The following TNFRSF9 variants were observed in gnomAD, a reference collection of about 807,000 sequenced individuals.
TNFRSF9 encodes TNF receptor superfamily member 9, also known as tumor necrosis factor receptor superfamily member 9.
A neutral mutation model predicts 28.8 loss-of-function variants in TNFRSF9; 16 were observed. The observed-to-expected ratio is 0.55, with a 90% CI of 0.38 to 0.84. The LOEUF (loss-of-function observed/expected upper bound fraction) is 0.84, where lower values mean the gene tolerates loss of function less well. Among genes scored for constraint, TNFRSF9 ranks in the 40% least tolerant of loss-of-function variants. The pLI, the probability that TNFRSF9 is intolerant of heterozygous loss-of-function variation, is 0.00. For missense variants in TNFRSF9, 303 were observed against 315.0 expected (o/e 0.96, Z 0.29); for synonymous variants, 131 against 117.0 (o/e 1.12, Z -0.77).
intron 7 of TNFRSF9, among the ~76,000 whole-genome samples, chr1:7,929,047 A>C (rs182483889): frequency 1.5e-3 from 222 of 152,244 alleles, no homozygotes; most frequent in African/African-American, 5.2e-3. Context: ...CACCAAGGCT[A>C]CTGTATCTTA....
At chr1:7,937,661 T>C in intron 5 of TNFRSF9, 29 bp downstream of exon 5, 1 of 1,592,096 alleles carries the variant, frequency 6.3e-7, no homozygotes, top group Non-Finnish European at 8.6e-7. Flanking sequence ...AGATTCTTTA[T>C]TCCATAAACT....
chr1:7,929,101 T>A (rs1400720524), intron 7 of TNFRSF9, among the ~76,000 whole-genome samples: 2 of 151,644 alleles, frequency 1.3e-5, no homozygotes, highest in Non-Finnish European at 2.9e-5. Context: ...TAGCAAAGGA[T>A]AATTGTTTCA....
chr1:7,936,088 T>C (rs1376154175), intron 5 of TNFRSF9, among the ~76,000 whole-genome samples: 3 of 152,112 alleles, frequency 2.0e-5, no homozygotes, highest in African/African-American at 7.2e-5. Context: ...ACTTAACAAC[T>C]CTGAAAAATT....
At chr1:7,938,995 A>T (rs574103791) in intron 2 of TNFRSF9, among the ~76,000 whole-genome samples, 167 bp from the exon 3 acceptor site, 3 of 152,222 alleles carry the variant, frequency 2.0e-5, no homozygotes, top group Admixed American at 2.0e-4. Flanking sequence ...CATTTGCAAG[A>T]TTATTCTTTG....
At chr1:7,923,742 G>A (rs1639596407) in intron 7 of TNFRSF9, among the ~76,000 whole-genome samples, 1 of 152,096 alleles carries the variant, frequency 6.6e-6, no homozygotes, top group Non-Finnish European at 1.5e-5. Context: ...GGAGGCTGAG[G>A]TGGGAGGATC....
At position 7,920,201 on chromosome 1, in the gene TNFRSF9, A is replaced by G. The variant is rs1247947325; in HGVS notation, c.*634T>C. 6.6e-5 allele frequency: 10 copies of G among 152,272 alleles called. No homozygotes were observed. Among genetic ancestry groups the G allele is most frequent in the Admixed American group, 6.6e-4 (10 of 15,254 alleles). The allele number at this position is 152,272 out of a possible 1,614,324, so 9.4% of individuals were successfully genotyped here. ...ACAAACCTGCATTGATTTTGATTATAATTATAGTTGGACCACTGGACTATG... is the reference window on the plus strand; with the variant it reads ...ACAAACCTGCATTGATTTTGATTATGATTATAGTTGGACCACTGGACTATG... On this transcript the variant is annotated 3_prime_UTR_variant, in exon 8 of 8. Transcript: ENST00000377507.
intron 7 of TNFRSF9, among the ~76,000 whole-genome samples, chr1:7,923,277 C>T (rs1181724239): frequency 6.6e-6 from 1 of 152,200 alleles, no homozygotes; most frequent in Non-Finnish European, 1.5e-5. Context: ...TGCAAGCCCA[C>T]CAGGAAGGAC....
chr1:7,921,368 CAAAA>C (rs893702075), intron 7 of TNFRSF9, among the ~76,000 whole-genome samples: 2 of 148,232 alleles, frequency 1.3e-5, no homozygotes, highest in Non-Finnish European at 3.0e-5. Context: ...CAAAACAAAA[CAAAA>C]CAAAACAAAA....
rs186372948 is a variant in TNFRSF9, at chr1:7,937,702, C to T, written c.401G>A (p.Arg134Gln). 51 of 1,613,330 alleles carry T rather than the reference C, an allele frequency of 3.2e-5. No individual in the cohort carries two copies. The African/African-American group carries it at 4.4e-4, about 14-fold the overall frequency. Residue 134 changes from arginine to glutamine, a missense_variant, in exon 5 of 8, where the codon CGA becomes CAA. By Grantham distance (43) the Arg-to-Gln change is conservative. Coordinates refer to ENST00000377507, the MANE Select transcript of TNFRSF9 (RefSeq NM_001561.6). Reference protein sequence around the residue: ...TFNDQKRGICRPWTNCSLDGK... With the variant: ...TFNDQKRGICQPWTNCSLDGK... ...AAATTATACGTACTTTGTCCAGGGT[C>T]GACAGATGCCACGTTTCTGATCGTT...
chr1:7,932,494 A>G (rs370485461), intron 7 of TNFRSF9, among the ~76,000 whole-genome samples: 139 of 152,262 alleles, frequency 9.1e-4, no homozygotes, highest in African/African-American at 3.1e-3. Context: ...TGTAATCCAT[A>G]CTGGTGCTGT....
At chr1:7,927,342 C>T (rs1421270446) in intron 7 of TNFRSF9, among the ~76,000 whole-genome samples, 2 of 152,306 alleles carry the variant, frequency 1.3e-5, no homozygotes, top group East Asian at 1.9e-4. Flanking sequence ...GACAATTACC[C>T]GACAATCATC....
intron 7 of TNFRSF9, among the ~76,000 whole-genome samples, chr1:7,931,799 T>A (rs973596365): frequency 6.6e-6 from 1 of 152,264 alleles, no homozygotes; most frequent in African/African-American, 2.4e-5. Flanking sequence ...GTATAAAAGT[T>A]CTATATTGCT....
intron 7 of TNFRSF9, among the ~76,000 whole-genome samples, chr1:7,926,560 GTAGA>G (rs1463499897): frequency 1.3e-5 from 2 of 152,158 alleles, no homozygotes; most frequent in African/African-American, 4.8e-5. Flanking sequence ...CCGGCTTTTT[GTAGA>G]TATAGATATT....
rs1026038990 is a variant in TNFRSF9 at position 7,918,661 on chromosome 1, C to A, written c.*2174G>T. On this transcript the variant is annotated 3_prime_UTR_variant, in exon 8 of 8. Transcript: ENST00000377507. ...GGACTACAGGCATGAGCCACTGCAC[C>A]CGGCCCCAAGTTTTTTTGCAAATGG... The A allele has an allele frequency of 3.3e-5, 5 of 152,160 alleles. No homozygotes were observed. The highest frequency in any genetic ancestry group is 1.2e-4 in the African/African-American group (5 of 41,424). The allele number at this position is 152,160 out of a possible 1,614,324, so 9.4% of individuals were successfully genotyped here. A position where few individuals can be genotyped will look rare whatever the true frequency, so the allele number is the denominator to read the frequency against.
chr1:7,923,323 A>T (rs1340965615), intron 7 of TNFRSF9, among the ~76,000 whole-genome samples: 2 of 152,206 alleles, frequency 1.3e-5, no homozygotes, highest in Admixed American at 1.3e-4. Flanking sequence ...CTCACGGCTG[A>T]TTAAGGCTCA....
intron 4 of TNFRSF9, 39 bp downstream of exon 4, chr1:7,938,154 G>C: frequency 6.7e-7 from 1 of 1,498,156 alleles, no homozygotes; most frequent in South Asian, 1.4e-5. Context: ...GTTTGTCTAT[G>C]TCACAAAACT....
rs911922246 is a variant in TNFRSF9, at chr1:7,916,489, G to A, written c.*4346C>T. On this transcript the variant is annotated 3_prime_UTR_variant, in exon 8 of 8. Coordinates refer to ENST00000377507, the MANE Select transcript of TNFRSF9 (RefSeq NM_001561.6). Reference sequence around the variant, plus strand: ...TTCACAGAATAAACTGTGGATTTTCGGTGTGTAACCTAGGACACATGAGAG... The same window carrying A: ...TTCACAGAATAAACTGTGGATTTTCAGTGTGTAACCTAGGACACATGAGAG... 3 of 152,078 alleles carry A rather than the reference G, an allele frequency of 2.0e-5. No homozygotes were observed. The highest frequency in any genetic ancestry group is 2.0e-4 in the Admixed American group (3 of 15,268). 9.4% of individuals were successfully genotyped at this position (152,078 alleles called of 1,614,324 possible). A position where few individuals can be genotyped will look rare whatever the true frequency, so the allele number is the denominator to read the frequency against.
At chr1:7,938,852 T>A in intron 2 of TNFRSF9, 24 bp from the exon 3 acceptor site, 1 of 1,554,192 alleles carries the variant, frequency 6.4e-7, no homozygotes, top group Non-Finnish European at 8.9e-7. Flanking sequence ...ACAATAGTGG[T>A]ACACGTTTGA....
chr1:7,928,864 G>A (rs868522783), intron 7 of TNFRSF9, among the ~76,000 whole-genome samples: 5 of 152,108 alleles, frequency 3.3e-5, no homozygotes, highest in Admixed American at 2.0e-4. Flanking sequence ...GAATGACACA[G>A]GGAGATCCTG....
Sources: allele counts gnomAD v4.1 joint callset (sites outside exome capture counted in the v4.1 genomes callset), GRCh38; gene constraint gnomAD v4.1.1; transcripts MANE v1.5; gene names NCBI Gene and HGNC (gene_info 2026-07-23, HGNC 2026-07-21).